Variants in ANAPC1 observed in about 807,000 individuals in gnomAD.
ANAPC1 encodes the protein anaphase-promoting complex subunit 1.
In ANAPC1, 36 loss-of-function variants were observed where a neutral mutation model predicts 208.0. The ratio of observed to expected loss-of-function variants is 0.17; its 90% confidence interval spans 0.13 to 0.23. The LOEUF is 0.23. Ranked by LOEUF, ANAPC1 falls within the 10% of genes least tolerant of loss-of-function variation. ANAPC1 has a pLI of 1.00. For synonymous variants in ANAPC1, 378 were observed against 695.2 expected (o/e 0.54, Z 7.18); for missense variants, 942 against 2,011.6 (o/e 0.47, Z 10.17).
rs370029411 is a variant in ANAPC1, at chr2:111,821,911, TA to T, written c.2992-459del. The stretch of plus-strand genomic sequence containing the variant: ...CTTAAGACATGTTTTTAAACAACTC[TA>T]CTGAAAAAAACACATTTTTTCCCTG... On this transcript the variant is annotated intron_variant, in intron 25 of 47. Transcript: ENST00000341068. Among the ~76,000 whole-genome samples the T allele has an allele frequency of 2.4e-4, 37 of 151,590 alleles. 1 individual carries two copies. The highest frequency in any genetic ancestry group is 8.8e-4 in the African/African-American group (36 of 40,944).
intron 21 of ANAPC1, among the ~76,000 whole-genome samples, chr2:111,829,914 A>T (rs1680042826): frequency 6.6e-6 from 1 of 152,030 alleles, no homozygotes; most frequent in African/African-American, 2.4e-5. Context: ...TACTAAAAAT[A>T]CAAAAAATTA....
intron 34 of ANAPC1, among the ~76,000 whole-genome samples, chr2:111,797,903 G>A (rs1573347444): frequency 1.7e-5 from 2 of 116,876 alleles, no homozygotes; most frequent in South Asian, 2.6e-4. Flanking sequence ...GGGGAGAGTC[G>A]ATCCATGGAA....
chr2:111,824,221 T>A (rs1175261711), intron 24 of ANAPC1, among the ~76,000 whole-genome samples: 4 of 137,366 alleles, frequency 2.9e-5, no homozygotes, highest in Admixed American at 1.6e-4. Flanking sequence ...ACAGTTATTG[T>A]CATTTTTAAG....
At chr2:111,779,838 C>A in intron 44 of ANAPC1, 1 of 232,382 alleles carries the variant, frequency 4.3e-6, no homozygotes, top group Non-Finnish European at 8.5e-6. Context: ...AAAAACCGAC[C>A]CTGTCTCAAA....
intron 38 of ANAPC1, among the ~76,000 whole-genome samples, chr2:111,791,838 CAAAGAG>C (rs1436069920): frequency 6.7e-6 from 1 of 150,348 alleles, no homozygotes; most frequent in East Asian, 2.0e-4. Flanking sequence ...TACATGATAA[CAAAGAG>C]ATTTTTCTGT....
chr2:111,829,883 A>T (rs902164665), intron 21 of ANAPC1, among the ~76,000 whole-genome samples: 1 of 152,012 alleles, frequency 6.6e-6, no homozygotes, highest in African/African-American at 2.4e-5. Context: ...CAGCCTGGAC[A>T]ATATGGTGAA....
At chr2:111,881,558 AATCT>A (rs1683299009) in intron 1 of ANAPC1, among the ~76,000 whole-genome samples, 1 of 152,186 alleles carries the variant, frequency 6.6e-6, no homozygotes, top group South Asian at 2.1e-4. Flanking sequence ...TCTAATTATT[AATCT>A]ATTACAGTAC....
At chr2:111,855,224 T>A (rs1417482256) in intron 13 of ANAPC1, among the ~76,000 whole-genome samples, 1 of 152,200 alleles carries the variant, frequency 6.6e-6, no homozygotes, top group Admixed American at 6.5e-5. Context: ...TCATCTTATA[T>A]GGGTACAGTT....
At position 111,817,562 on chromosome 2, in the gene ANAPC1, A is replaced by ATC. The variant is rs1271438979; in HGVS notation, c.3325+1277_3325+1278insGA. On this transcript the variant is annotated intron_variant, in intron 27 of 47. Transcript: ENST00000341068. ...TCCCTCAGTGAGATCAGGGCTCAGA[A>ATC]TAAGCATGATATGGAGATGGGAATG... Among the ~76,000 whole-genome samples the ATC allele has an allele frequency of 1.1e-4, 16 of 152,238 alleles. No homozygotes were observed. In the East Asian group the frequency reaches 3.1e-3, roughly 29 times the overall value.
chr2:111,851,959 T>C (rs967971524), intron 13 of ANAPC1, among the ~76,000 whole-genome samples: 2 of 152,158 alleles, frequency 1.3e-5, no homozygotes, highest in Admixed American at 6.5e-5. Context: ...TAAAATGAGA[T>C]ATTAACAACG....
Position 111,801,730 on chromosome 2 carries a change from G to T in ANAPC1, c.4221+698C>A, listed in dbSNP as rs967294447. Among the ~76,000 whole-genome samples, 170 of 150,768 alleles carry T rather than the reference G, an allele frequency of 1.1e-3. 1 individual carries two copies. The highest frequency in any genetic ancestry group is 5.9e-4 in the East Asian group (3 of 5,104). ...TCATTAAACTACTCATTAAAATAAA[G>T]ATTTAAATTTTAACAAAGAAAAACT... On this transcript the variant is annotated intron_variant, in intron 33 of 47. Coordinates refer to ENST00000341068, the MANE Select transcript of ANAPC1 (RefSeq NM_022662.4).
intron 29 of ANAPC1, among the ~76,000 whole-genome samples, chr2:111,806,692 T>C (rs1474356261): frequency 4.1e-5 from 6 of 147,666 alleles, no homozygotes; most frequent in Admixed American, 6.8e-5. Context: ...CGAGTGTATA[T>C]AATAATGAGC....
chr2:111,769,346 G>C lies in ANAPC1; in HGVS notation c.5780C>G (p.Ala1927Gly), dbSNP rs1394088830. 2.5e-6 allele frequency: 4 copies of C among 1,569,310 alleles called. No homozygotes were observed. Among genetic ancestry groups the C allele is most frequent in the Non-Finnish European group, 2.6e-6 (3 of 1,146,550 alleles). Residue 1927 changes from alanine (A) to glycine (G), a missense_variant, in exon 48 of 48, where the codon GCT becomes GGT. Physicochemically the swap from Ala to Gly is moderately conservative, Grantham distance 60 (BLOSUM62 0). Transcript: ENST00000341068. ...KFKQLKMPVR[A>G]LLRLAPLLLG... is the part of the protein sequence containing the mutation. Reference sequence around the variant, plus strand: ...AAGCAAAGGAGCCAATCTCAGCAAAGCTCGCACTGGCATTTTTAGCTGCTT... The same window carrying C: ...AAGCAAAGGAGCCAATCTCAGCAAACCTCGCACTGGCATTTTTAGCTGCTT...
intron 3 of ANAPC1, among the ~76,000 whole-genome samples, chr2:111,878,003 C>T (rs985835005): frequency 6.6e-6 from 1 of 152,100 alleles, no homozygotes; most frequent in Admixed American, 6.5e-5. Flanking sequence ...CATAATACTC[C>T]TTCATGTCAC....
chr2:111,830,227 A>G (rs1181416684), intron 21 of ANAPC1, among the ~76,000 whole-genome samples: 1 of 152,262 alleles, frequency 6.6e-6, no homozygotes, highest in Non-Finnish European at 1.5e-5. Context: ...GTCCAGAAAC[A>G]GACACACAAG....
At chr2:111,875,739 T>C (rs1270963877) in intron 3 of ANAPC1, among the ~76,000 whole-genome samples, 1 of 152,258 alleles carries the variant, frequency 6.6e-6, no homozygotes, top group East Asian at 1.9e-4. Flanking sequence ...CCCTTTGGTC[T>C]GTATACTGCC....
chr2:111,774,965 A>G (rs1376973172), intron 46 of ANAPC1, among the ~76,000 whole-genome samples: 1 of 151,942 alleles, frequency 6.6e-6, no homozygotes, highest in Non-Finnish European at 1.5e-5. Flanking sequence ...GGAGATAAAT[A>G]CTGTACAAAA....
intron 21 of ANAPC1, among the ~76,000 whole-genome samples, chr2:111,826,700 C>T (rs1348306636): frequency 2.8e-5 from 4 of 142,126 alleles, no homozygotes; most frequent in African/African-American, 7.8e-5. Context: ...CTCACTATGT[C>T]GCCAGGCTGG....
At chr2:111,877,320 T>C (rs1683071562) in intron 3 of ANAPC1, among the ~76,000 whole-genome samples, 1 of 152,032 alleles carries the variant, frequency 6.6e-6, no homozygotes, top group Non-Finnish European at 1.5e-5. Context: ...GTGATGTCTC[T>C]TTAGTCTCTT....
Sources: allele counts gnomAD v4.1 joint callset (sites outside exome capture counted in the v4.1 genomes callset), GRCh38; gene constraint gnomAD v4.1.1; transcripts MANE v1.5; gene names NCBI Gene and HGNC (gene_info 2026-07-23, HGNC 2026-07-21).